The following WIPF2 variants were observed in gnomAD, a reference collection of about 807,000 sequenced individuals.
WIPF2 encodes WAS/WASL-interacting protein family member 2.
WIPF2 carries 23 observed loss-of-function variants against 38.8 expected under a neutral mutation model. That is an observed-to-expected ratio of 0.59 (90% CI 0.43 to 0.84). The LOEUF is 0.84. WIPF2 is among the 40% of genes least tolerant of loss of function. The pLI is 0.00. For missense variants in WIPF2, 574 were observed against 580.5 expected (o/e 0.99, Z 0.11); for synonymous variants, 210 against 223.2 (o/e 0.94, Z 0.53).
In WIPF2 at chr17:40,265,061, A is replaced by G. The variant is rs1274693889; in HGVS notation, c.885A>G (p.Ala295=). ...RKTPGPVRGL[A]PPPPTSASPS... ...CACCAGGGCCTGTCAGAGGCCTAGC[A>G]CCTCCTCCACCCACCTCGGCCTCCC... Residue 295 remains alanine, a synonymous_variant, in exon 5 of 8, where the codon GCA becomes GCG. Coordinates refer to ENST00000323571, the MANE Select transcript of WIPF2 (RefSeq NM_133264.5). 6.2e-7 allele frequency: 1 copy of G among 1,613,410 alleles called. No homozygotes were observed. Among genetic ancestry groups the G allele is most frequent in the Admixed American group, 1.7e-5 (1 of 59,942 alleles).
At chr17:40,269,597 T>C (rs1009059631) in intron 5 of WIPF2, among the ~76,000 whole-genome samples, 1 of 147,140 alleles carries the variant, frequency 6.8e-6, no homozygotes, top group East Asian at 2.0e-4. Flanking sequence ...AGTAAAACAC[T>C]GTCTTTTTTT....
At position 40,277,189 on chromosome 17, in the gene WIPF2, G is replaced by C. The variant is rs753778314; in HGVS notation, c.1282+5G>C. The C allele has an allele frequency of 6.3e-7, 1 of 1,592,506 alleles. No individual in the cohort carries two copies. The highest frequency in any genetic ancestry group is 1.1e-5 in the South Asian group (1 of 88,568). On this transcript the variant is annotated splice_donor_5th_base_variant and intron_variant, in intron 7 of 7. Transcript: ENST00000323571. ...ATCCCAGCAAAACAAACCGAGGTGA[G>C]AATAATAATAAGAAGGTTTTTCCAT...
In WIPF2 at chr17:40,250,282, G is replaced by A. The variant is rs950499823; in HGVS notation, c.-69-6109G>A. ...TCTCGCTCTGTCAACCCAAGCTGGC[G>A]TGCAGTGGCGCATTCTCGGCTCACT... On this transcript the variant is annotated intron_variant, in intron 1 of 7. Transcript: ENST00000323571. Among the ~76,000 whole-genome samples, 10 of 131,436 alleles carry A rather than the reference G, an allele frequency of 7.6e-5. 1 individual carries two copies. The highest frequency in any genetic ancestry group is 4.8e-3 in the Middle Eastern group (1 of 210). The allele number at this position is 131,436 out of a possible 152,430, so 86.2% of individuals were successfully genotyped here. A position where few individuals can be genotyped will look rare whatever the true frequency, so the allele number is the denominator to read the frequency against.
chr17:40,258,730 G>A (rs2031806818), intron 2 of WIPF2, among the ~76,000 whole-genome samples: 1 of 151,840 alleles, frequency 6.6e-6, no homozygotes. Context: ...AGGAGGGAGG[G>A]AGGGCACTTG....
chr17:40,260,790 C>A, intron 3 of WIPF2, 123 bp downstream of exon 3: 2 of 1,304,362 alleles, frequency 1.5e-6, no homozygotes, highest in Non-Finnish European at 2.2e-6. Context: ...TGTGCTTTGG[C>A]TCTCTTCTTA....
chr17:40,231,983 A>T (rs2030762776), intron 1 of WIPF2, among the ~76,000 whole-genome samples: 1 of 144,306 alleles, frequency 6.9e-6, no homozygotes, highest in South Asian at 2.2e-4. Context: ...TGAAAACAAG[A>T]CCTAAAAAGA....
intron 1 of WIPF2, among the ~76,000 whole-genome samples, chr17:40,229,989 G>A (rs1202844657): frequency 6.6e-6 from 1 of 152,166 alleles, no homozygotes; most frequent in Non-Finnish European, 1.5e-5. Context: ...TGGAGCTTAG[G>A]GAGTGAAAAA....
At chr17:40,264,226 G>A (rs909062983) in intron 4 of WIPF2, among the ~76,000 whole-genome samples, 1 of 150,488 alleles carries the variant, frequency 6.6e-6, no homozygotes, top group Admixed American at 6.6e-5. Context: ...CCAGCTACTC[G>A]GGAGGCTGAG....
chr17:40,280,319 A>G lies in WIPF2; in HGVS notation c.*2094A>G, dbSNP rs1472633452. Reference sequence around the variant, plus strand: ...CCCCGTCTCCACTAAAAACACAAAAATTATCTGGGCGTGGTGGCATGTGCC... The same window carrying G: ...CCCCGTCTCCACTAAAAACACAAAAGTTATCTGGGCGTGGTGGCATGTGCC... On this transcript the variant is annotated 3_prime_UTR_variant, in exon 8 of 8. Transcript: ENST00000323571. 1 of 152,250 alleles carries G rather than the reference A, an allele frequency of 6.6e-6. No homozygotes were observed. The highest frequency in any genetic ancestry group is 2.4e-5 in the African/African-American group (1 of 41,454). 9.4% of individuals were successfully genotyped at this position (152,250 alleles called of 1,614,324 possible). A position where few individuals can be genotyped will look rare whatever the true frequency, so the allele number is the denominator to read the frequency against.
intron 1 of WIPF2, among the ~76,000 whole-genome samples, chr17:40,234,292 G>A (rs2030867644): frequency 6.6e-6 from 1 of 152,012 alleles, no homozygotes; most frequent in African/African-American, 2.4e-5. Context: ...TAGCTACTCG[G>A]GAGGCGCATG....
At chr17:40,260,179 C>CTTTTTTT (rs34757828) in intron 2 of WIPF2, among the ~76,000 whole-genome samples, 13 of 101,060 alleles carry the variant, frequency 1.3e-4, no homozygotes, top group Non-Finnish European at 1.8e-4. Flanking sequence ...ATAAAGGGAA[C>CTTTTTTT]TTTTTTTTTT....
At chr17:40,243,343 G>C (rs1423307428) in intron 1 of WIPF2, among the ~76,000 whole-genome samples, 2 of 152,106 alleles carry the variant, frequency 1.3e-5, no homozygotes, top group Non-Finnish European at 2.9e-5. Context: ...GAAGAGGAAA[G>C]AGTCACATTA....
chr17:40,223,718 G>A (rs1432584023), intron 1 of WIPF2, among the ~76,000 whole-genome samples: 2 of 150,426 alleles, frequency 1.3e-5, no homozygotes, highest in African/African-American at 4.9e-5. Flanking sequence ...TCCTGCCTCA[G>A]CCTCCTGAGT....
intron 1 of WIPF2, among the ~76,000 whole-genome samples, chr17:40,251,734 G>C (rs1229807633): frequency 6.6e-6 from 1 of 152,190 alleles, no homozygotes; most frequent in East Asian, 1.9e-4. Flanking sequence ...CCTTTGATGA[G>C]TCAGTTTTTC....
chr17:40,227,115 C>G (rs2145278697), intron 1 of WIPF2, among the ~76,000 whole-genome samples: 1 of 152,136 alleles, frequency 6.6e-6, no homozygotes, highest in South Asian at 2.1e-4. Flanking sequence ...GATCTGGGCT[C>G]ACTGCAAGCT....
At chr17:40,225,652 G>A (rs1438778764) in intron 1 of WIPF2, among the ~76,000 whole-genome samples, 1 of 152,098 alleles carries the variant, frequency 6.6e-6, no homozygotes, top group Non-Finnish European at 1.5e-5. Flanking sequence ...GGGATGGATC[G>A]TGAAGATCAT....
chr17:40,280,766 C>T lies in WIPF2; in HGVS notation c.*2541C>T, dbSNP rs2032530083. The T allele has an allele frequency of 6.6e-6, 1 of 152,594 alleles. No homozygotes were observed. The highest frequency in any genetic ancestry group is 1.5e-5 in the Non-Finnish European group (1 of 68,046). 9.5% of individuals were successfully genotyped at this position (152,594 alleles called of 1,614,324 possible). On this transcript the variant is annotated 3_prime_UTR_variant, in exon 8 of 8. Coordinates refer to ENST00000323571, the MANE Select transcript of WIPF2 (RefSeq NM_133264.5). ...CTTCCTCCCCATGGCCCACTGCCCC[C>T]TCATATTCCCCAGCACTTGGACTGT...
At chr17:40,245,541 C>T (rs919778640) in intron 1 of WIPF2, among the ~76,000 whole-genome samples, 7 of 152,092 alleles carry the variant, frequency 4.6e-5, no homozygotes, top group African/African-American at 1.7e-4. Context: ...CAGGGTTTCA[C>T]CATGTTGGCC....
rs558468560 is a variant in WIPF2, at chr17:40,280,270, A to G, written c.*2045A>G. The G allele has an allele frequency of 6.6e-6, 1 of 152,376 alleles. No individual in the cohort carries two copies. The highest frequency in any genetic ancestry group is 2.1e-4 in the South Asian group (1 of 4,834). The allele number at this position is 152,376 out of a possible 1,614,324, so 9.4% of individuals were successfully genotyped here. A position where few individuals can be genotyped will look rare whatever the true frequency, so the allele number is the denominator to read the frequency against. ...GATCACCTGAGGTCAGAAGTTCGAG[A>G]CCAGCCTGTCCAACATGGTGAAACC... On this transcript the variant is annotated 3_prime_UTR_variant, in exon 8 of 8. Coordinates refer to ENST00000323571, the MANE Select transcript of WIPF2 (RefSeq NM_133264.5).
Sources: allele counts gnomAD v4.1 joint callset (sites outside exome capture counted in the v4.1 genomes callset), GRCh38; gene constraint gnomAD v4.1.1; transcripts MANE v1.5; gene names NCBI Gene and HGNC (gene_info 2026-07-23, HGNC 2026-07-21).